Variants in MEIOSIN observed in about 807,000 individuals in gnomAD.
MEIOSIN encodes meiosis initiator protein.
A neutral mutation model predicts 23.4 loss-of-function variants in MEIOSIN; 18 were observed. The ratio of observed to expected loss-of-function variants is 0.77; its 90% confidence interval spans 0.53 to 1.14. The LOEUF is 1.14. Ranked by LOEUF, MEIOSIN falls within the 50% of genes most tolerant of loss-of-function variation. The probability of loss-of-function intolerance (pLI) is 0.00; values close to 1 mark genes in which losing one functional copy is unlikely to be tolerated. For synonymous variants in MEIOSIN, 187 were observed against 100.6 expected (o/e 1.86, Z -5.14); for missense variants, 428 against 242.9 (o/e 1.76, Z -5.07).
At chr19:45,763,811 G>A (rs563921421) in intron 14 of MEIOSIN, among the ~76,000 whole-genome samples, 160 bp from the exon 15 acceptor site, 7 of 152,304 alleles carry the variant, frequency 4.6e-5, no homozygotes, top group African/African-American at 9.6e-5. Context: ...GCCCTTGGCC[G>A]AGTCCCATCT....
At chr19:45,743,946 C>T (rs907686057) in intron 3 of MEIOSIN, among the ~76,000 whole-genome samples, 4 of 152,046 alleles carry the variant, frequency 2.6e-5, no homozygotes, top group African/African-American at 9.7e-5. Flanking sequence ...TGTGAGCCAC[C>T]ACACTCAGTC....
rs964748801 is a variant in MEIOSIN, at chr19:45,755,461, TTG to T, written c.803-507_803-506del. On this transcript the variant is annotated intron_variant, in intron 7 of 14. Coordinates refer to ENST00000457052, the MANE Select transcript of MEIOSIN (RefSeq NM_001310124.2). ...ACTGTGCCGGGCCCATTAGAGTTTT[TTG>T]TTTGTTTTGAGACAAAGTCTTGCTC... 7.9e-5 allele frequency among the ~76,000 whole-genome samples: 12 copies of T among 150,976 alleles called. 1 individual carries two copies. Among genetic ancestry groups the T allele is most frequent in the Admixed American group, 6.6e-4 (10 of 15,150 alleles).
At chr19:45,746,925 G>A (rs1048047645) in intron 4 of MEIOSIN, among the ~76,000 whole-genome samples, 2 of 152,152 alleles carry the variant, frequency 1.3e-5, no homozygotes, top group African/African-American at 4.8e-5. Context: ...ACTAGGACAT[G>A]GACATCTTTG....
intron 5 of MEIOSIN, among the ~76,000 whole-genome samples, chr19:45,751,770 G>A (rs919991842): frequency 4.1e-5 from 6 of 147,942 alleles, no homozygotes; most frequent in African/African-American, 1.2e-4. Context: ...AGCTCTTGTT[G>A]CGCAGGCTGG....
At position 45,754,726 on chromosome 19, in the gene MEIOSIN, TG is replaced by T. The variant is rs1431506523; in HGVS notation, c.802+5del. ...ACACCATCCACTGTGACATCTCAAG[TG>T]GGTCTCTTTCCTCACTCTGAACTTA... On this transcript the variant is annotated splice_donor_region_variant and intron_variant, in intron 7 of 14. Transcript: ENST00000457052. The T allele has an allele frequency of 1.4e-6, 1 of 702,952 alleles. No individual in the cohort carries two copies. The highest frequency in any genetic ancestry group is 1.7e-5 in the African/African-American group (1 of 57,390). 43.5% of individuals were successfully genotyped at this position (702,952 alleles called of 1,614,324 possible).
intron 6 of MEIOSIN, among the ~76,000 whole-genome samples, chr19:45,754,064 C>A (rs553964414): frequency 6.6e-6 from 1 of 152,306 alleles, no homozygotes; most frequent in South Asian, 2.1e-4. Flanking sequence ...GCCACCTCTG[C>A]CTCCCAGGTT....
In MEIOSIN at chr19:45,753,733, C is replaced by T. The variant is rs1968759977; in HGVS notation, c.501C>T (p.Ser167=). 4 of 702,958 alleles carry T rather than the reference C, an allele frequency of 5.7e-6. No individual in the cohort carries two copies. Among genetic ancestry groups the T allele is most frequent in the Non-Finnish European group, 1.0e-5 (4 of 384,968 alleles). 43.5% of individuals were successfully genotyped at this position (702,958 alleles called of 1,614,324 possible). Residue 167 remains serine, a synonymous_variant, in exon 6 of 15, where the codon TCC becomes TCT. Coordinates refer to ENST00000457052, the MANE Select transcript of MEIOSIN (RefSeq NM_001310124.2). ...CCAGCTCCCCAAGCTCTCAGAAGTC[C>T]TGTCTCCAGGGGGCGTGCCAGAAGC... The part of the protein sequence containing the change: ...TPSSSPSSQK[S]CLQGACQKPR...
At chr19:45,754,370 G>T in intron 6 of MEIOSIN, 109 bp from the exon 7 acceptor site, 1 of 612,020 alleles carries the variant, frequency 1.6e-6, no homozygotes, top group South Asian at 1.9e-5. Context: ...CCCATACCAG[G>T]CCAGGCATAG....
At chr19:45,738,994 T>C (rs1354782362) in intron 2 of MEIOSIN, among the ~76,000 whole-genome samples, 1 of 152,178 alleles carries the variant, frequency 6.6e-6, no homozygotes, top group African/African-American at 2.4e-5. Flanking sequence ...AGGGATTTAT[T>C]GGATCATTTA....
In MEIOSIN at chr19:45,754,126, G is replaced by A. The variant is rs552933975; in HGVS notation, c.556+338G>A. ...TGAGTAGCTGGGATTACAGGCATGTGCCACCATGCTCAGCTAATTTTTGTA... is the reference window on the plus strand; with the variant it reads ...TGAGTAGCTGGGATTACAGGCATGTACCACCATGCTCAGCTAATTTTTGTA... On this transcript the variant is annotated intron_variant, in intron 6 of 14. Transcript: ENST00000457052. Among the ~76,000 whole-genome samples, 680 of 152,286 alleles carry A rather than the reference G, an allele frequency of 4.5e-3. 14 individuals are homozygous for A. Among genetic ancestry groups the A allele is most frequent in the Middle Eastern group, 0.014 (4 of 294 alleles).
At chr19:45,734,614 C>G (rs1968379707) in intron 1 of MEIOSIN, among the ~76,000 whole-genome samples, 1 of 151,938 alleles carries the variant, frequency 6.6e-6, no homozygotes, top group Non-Finnish European at 1.5e-5. Flanking sequence ...AACCATCCCC[C>G]CACCTCAGGC....
chr19:45,753,623 T>G (rs1463013156), intron 5 of MEIOSIN, 28 bp from the exon 6 acceptor site: 1 of 691,550 alleles, frequency 1.4e-6, no homozygotes, highest in Non-Finnish European at 2.6e-6. Flanking sequence ...GTGGGGGATC[T>G]GAGCTGTTTC....
In MEIOSIN at chr19:45,737,375, T is replaced by C. The variant is rs116373127; in HGVS notation, c.71+1928T>C. Among the ~76,000 whole-genome samples the C allele has an allele frequency of 3.8e-3, 568 of 151,370 alleles. 4 individuals are homozygous for C. Among genetic ancestry groups the C allele is most frequent in the African/African-American group, 0.013 (541 of 41,256 alleles). Reference sequence around the variant, plus strand: ...TTGTATTTTTCGTAGAAATGGGTTTTTGCCATGTTGCCGAGGCTGGTCTCA... The same window carrying C: ...TTGTATTTTTCGTAGAAATGGGTTTCTGCCATGTTGCCGAGGCTGGTCTCA... On this transcript the variant is annotated intron_variant, in intron 2 of 14. Transcript: ENST00000457052.
Position 45,762,025 on chromosome 19 carries a change from C to G in MEIOSIN, c.1521C>G (p.Pro507=), listed in dbSNP as rs1968955470. ...GGACCCCCACCCGGCTGGCCTCACC[C>G]CTGCTGGCAGCTGAGAAAAAGGCCA... ...TTWTPTRLAS[P]LLAAEKKATK... is the part of the protein sequence containing the mutation. The change falls in exon 13 of 15, where the codon CCC becomes CCG. Residue 507 remains proline (P), a synonymous_variant. Transcript: ENST00000457052. 2.0e-6 allele frequency: 1 copy of G among 490,580 alleles called. No homozygotes were observed. Among genetic ancestry groups the G allele is most frequent in the Non-Finnish European group, 3.6e-6 (1 of 277,010 alleles). The allele number at this position is 490,580 out of a possible 1,614,324, so 30.4% of individuals were successfully genotyped here.
rs1317339379 is a variant in MEIOSIN at position 45,756,443 on chromosome 19, G to A, written c.911+365G>A. On this transcript the variant is annotated intron_variant, in intron 8 of 14. Coordinates refer to ENST00000457052, the MANE Select transcript of MEIOSIN (RefSeq NM_001310124.2). ...TTGTTTGTTTGTTTGTTTGAGACAG[G>A]GTCTCACTCTGTCGCCCAGGCCAGA... Among the ~76,000 whole-genome samples the A allele has an allele frequency of 2.0e-5, 3 of 152,012 alleles. No homozygotes were observed. The East Asian group carries it at 5.9e-4, about 30-fold the overall frequency.
chr19:45,737,886 C>A (rs1968435626), intron 2 of MEIOSIN, among the ~76,000 whole-genome samples: 1 of 151,224 alleles, frequency 6.6e-6, no homozygotes, highest in South Asian at 2.1e-4. Flanking sequence ...CGCGCCATTG[C>A]ACTCCAGCCT....
chr19:45,753,383 C>T (rs1439471549), intron 5 of MEIOSIN, among the ~76,000 whole-genome samples: 3 of 152,088 alleles, frequency 2.0e-5, no homozygotes, highest in African/African-American at 7.2e-5. Flanking sequence ...GGTGAAGCAT[C>T]CTCAAGGTGC....
At chr19:45,744,080 T>C (rs1968551060) in intron 3 of MEIOSIN, among the ~76,000 whole-genome samples, 1 of 151,702 alleles carries the variant, frequency 6.6e-6, no homozygotes, top group Non-Finnish European at 1.5e-5. Flanking sequence ...AGTCTGGCTC[T>C]GTCACCCACA....
At chr19:45,762,420 G>GC (rs1968965371) in intron 13 of MEIOSIN, among the ~76,000 whole-genome samples, 1 of 151,954 alleles carries the variant, frequency 6.6e-6, no homozygotes, top group Admixed American at 6.6e-5. Flanking sequence ...AAAAAAAGGA[G>GC]TTTTTTTTGT....
Sources: gnomAD v4.1 joint callset for allele counts (sites outside exome capture counted in the v4.1 genomes callset) on GRCh38, gnomAD v4.1.1 for gene constraint, MANE v1.5 for transcripts, NCBI Gene and HGNC (gene_info 2026-07-23, HGNC 2026-07-21) for gene names.